The following SCN2A variants were observed in gnomAD, a reference collection of about 807,000 sequenced individuals.
SCN2A encodes sodium voltage-gated channel alpha subunit 2, also known as sodium channel protein type 2 subunit alpha.
Under a neutral mutation model 188.7 loss-of-function variants are expected in SCN2A, and 20 were observed. The ratio of observed to expected loss-of-function variants is 0.11; its 90% confidence interval spans 0.07 to 0.15. The LOEUF (loss-of-function observed/expected upper bound fraction) is 0.15. Ranked by LOEUF, SCN2A falls within the 10% of genes least tolerant of loss-of-function variation. The probability of loss-of-function intolerance (pLI) is 1.00; values close to 1 mark genes in which losing one functional copy is unlikely to be tolerated. For missense variants in SCN2A, 1,278 were observed against 2,445.0 expected (o/e 0.52, Z 10.07); for synonymous variants, 804 against 833.1 (o/e 0.97, Z 0.60).
rs1011935921 is a variant in SCN2A at position 165,390,113 on chromosome 2, G to T, written c.*289G>T. The T allele has an allele frequency of 6.0e-6, 2 of 333,394 alleles. No individual in the cohort carries two copies. Among genetic ancestry groups the T allele is most frequent in the African/African-American group, 4.2e-5 (2 of 47,336 alleles). The allele number at this position is 333,394 out of a possible 1,614,324, so 20.7% of individuals were successfully genotyped here. A position where few individuals can be genotyped will look rare whatever the true frequency, so the allele number is the denominator to read the frequency against. ...CAGACGATAGGAACCAATTTAAAGG[G>T]GGGAGGGAAGTTAAATTTTTATGTA... On this transcript the variant is annotated 3_prime_UTR_variant, in exon 27 of 27. Transcript: ENST00000375437.
intron 5 of SCN2A, 129 bp downstream of exon 5, chr2:165,308,923 CAA>C: frequency 7.8e-7 from 1 of 1,277,114 alleles, no homozygotes. Context: ...TTCTTCCAAT[CAA>C]ATTATCCAGT....
rs79771412 is a variant in SCN2A at position 165,253,793 on chromosome 2, T to C, written c.-52+14153T>C. On this transcript the variant is annotated intron_variant, in intron 1 of 26. Coordinates refer to ENST00000375437, the MANE Select transcript of SCN2A (RefSeq NM_001040142.2). ...GAGAAATGTATAGGTATAACTATAT[T>C]ACTGATATATCCTATTAATTTTATT... Among the ~76,000 whole-genome samples the C allele has an allele frequency of 9.9e-3, 1,503 of 152,144 alleles. 27 individuals are homozygous for C. Among genetic ancestry groups the C allele is most frequent in the East Asian group, 0.063 (326 of 5,174 alleles).
intron 1 of SCN2A, chr2:165,266,701 A>T (rs975849394): frequency 1.3e-5 from 2 of 152,078 alleles, no homozygotes; most frequent in African/African-American, 4.8e-5. Flanking sequence ...CTTATATCCT[A>T]CCGTAAAAGG....
chr2:165,293,184 T>C (rs1040405417), intron 1 of SCN2A, among the ~76,000 whole-genome samples: 3 of 152,250 alleles, frequency 2.0e-5, no homozygotes, highest in Non-Finnish European at 2.9e-5. Context: ...TGTAGTTCCT[T>C]GGCTACAAGC....
At chr2:165,261,841 A>G (rs1694608858) in intron 1 of SCN2A, among the ~76,000 whole-genome samples, 1 of 152,240 alleles carries the variant, frequency 6.6e-6, no homozygotes, top group South Asian at 2.1e-4. Context: ...AATAAAGAGT[A>G]TAATTTACTG....
chr2:165,293,163 T>G (rs1696311362), intron 1 of SCN2A, among the ~76,000 whole-genome samples: 1 of 152,262 alleles, frequency 6.6e-6, no homozygotes, highest in Non-Finnish European at 1.5e-5. Flanking sequence ...TATCAAATCC[T>G]ACTCTATGTT....
rs1699484333 is a variant in SCN2A at position 165,344,785 on chromosome 2, C to T, written c.2793C>T (p.Ser931=). The change falls in exon 16 of 27, where the codon TCC becomes TCT. Residue 931 remains serine, a synonymous_variant. Transcript: ENST00000375437. ...PRWHMHDFFH[S]FLIVFRVLCG... ...GGCACATGCATGACTTTTTCCACTC[C>T]TTCCTGATCGTGTTCCGCGTGCTGT... 4.3e-6 allele frequency: 7 copies of T among 1,614,156 alleles called. No homozygotes were observed. The highest frequency in any genetic ancestry group is 5.9e-6 in the Non-Finnish European group (7 of 1,180,028).
rs2106149436 is a variant in SCN2A at position 165,296,083 on chromosome 2, A to G, written c.260A>G (p.Asn87Ser). 6.2e-7 allele frequency: 1 copy of G among 1,613,192 alleles called. No homozygotes were observed. Among genetic ancestry groups the G allele is most frequent in the Non-Finnish European group, 8.5e-7 (1 of 1,179,952 alleles). ...GAGGATCTGGACCCCTACTATATCA[A>G]TAAGAAAGTGAGTTCTTAGTCAAGT... ...PLEDLDPYYI[N>S]KKTFIVLNKG... The change falls in exon 2 of 27, where the codon AAT (asparagine) becomes AGT (serine). Residue 87 changes from asparagine (N) to serine (S), a missense_variant. Asn to Ser is a conservative substitution (Grantham distance 46). Transcript: ENST00000375437.
At chr2:165,315,368 T>A (rs1001686006) in intron 10 of SCN2A, 103 bp from the exon 11 acceptor site, 9 of 1,550,246 alleles carry the variant, frequency 5.8e-6, no homozygotes, top group Non-Finnish European at 7.9e-6. Context: ...TGGAGAATTG[T>A]TTTTCAAGAT....
chr2:165,377,665 A>G lies in SCN2A; in HGVS notation c.4308+15A>G. On this transcript the variant is annotated intron_variant, in intron 23 of 26. Coordinates refer to ENST00000375437, the MANE Select transcript of SCN2A (RefSeq NM_001040142.2). ...ATTCACGAAATGTAAGTCTAGTTAGAGGGAAATTGTTTAGTTTGATTAAAT... is the reference window on the plus strand; with the variant it reads ...ATTCACGAAATGTAAGTCTAGTTAGGGGGAAATTGTTTAGTTTGATTAAAT... The G allele has an allele frequency of 6.3e-7, 1 of 1,595,496 alleles. No individual in the cohort carries two copies. Among genetic ancestry groups the G allele is most frequent in the South Asian group, 1.1e-5 (1 of 89,176 alleles).
chr2:165,366,574 C>T (rs1300829658), intron 18 of SCN2A, among the ~76,000 whole-genome samples: 2 of 151,652 alleles, frequency 1.3e-5, no homozygotes, highest in Admixed American at 6.6e-5. Flanking sequence ...CTCTACCGGG[C>T]GTAGTGGTAT....
At chr2:165,307,568 TA>T (rs1323197848) in intron 3 of SCN2A, among the ~76,000 whole-genome samples, 1 of 152,156 alleles carries the variant, frequency 6.6e-6, no homozygotes, top group Non-Finnish European at 1.5e-5. Flanking sequence ...TTTAAGTTGA[TA>T]AATTATTCAC....
Position 165,342,284 on chromosome 2 carries a change from C to T in SCN2A, c.2389-12C>T. The T allele has an allele frequency of 6.2e-7, 1 of 1,611,106 alleles. No homozygotes were observed. On this transcript the variant is annotated splice_polypyrimidine_tract_variant and intron_variant, in intron 14 of 26. Coordinates refer to ENST00000375437, the MANE Select transcript of SCN2A (RefSeq NM_001040142.2). ...GTATTTGCTCATATAATGAACTACA[C>T]TTCTCATTTAGGTCTTCACAGGGAT...
chr2:165,307,586 A>G (rs761383456), intron 3 of SCN2A, among the ~76,000 whole-genome samples: 2 of 152,116 alleles, frequency 1.3e-5, no homozygotes, highest in Non-Finnish European at 1.5e-5. Flanking sequence ...TCACTGATGA[A>G]CTACTTTCTT....
rs959444328 is a variant in SCN2A, at chr2:165,389,595, G to A, written c.5789G>A (p.Ser1930Asn). ...LLKQKVKKVS[S>N]IYKKDKGKEC... ...AAGCAAAAAGTTAAAAAGGTATCAAGTATATACAAGAAAGACAAAGGCAAA... is the reference window on the plus strand; with the variant it reads ...AAGCAAAAAGTTAAAAAGGTATCAAATATATACAAGAAAGACAAAGGCAAA... The change falls in exon 27 of 27, where the codon AGT becomes AAT. Residue 1930 changes from serine to asparagine, a missense_variant. This residue lies in a region of SCN2A where 109 missense variants were observed against 137.9 expected (regional missense o/e 0.79). Transcript: ENST00000375437. This position sits in a 1 kb window ranked among gnomAD's most constrained non-coding sequence, Gnocchi z 4.2. The A allele has an allele frequency of 1.2e-6, 2 of 1,613,902 alleles. No individual in the cohort carries two copies. The highest frequency in any genetic ancestry group is 1.7e-6 in the Non-Finnish European group (2 of 1,179,956).
chr2:165,283,783 C>G (rs1260832743), intron 1 of SCN2A, among the ~76,000 whole-genome samples: 1 of 152,136 alleles, frequency 6.6e-6, no homozygotes, highest in African/African-American at 2.4e-5. Flanking sequence ...GGAACATGGA[C>G]TATATTTAGT....
chr2:165,357,361 G>A (rs556335973), intron 17 of SCN2A, among the ~76,000 whole-genome samples: 1 of 152,104 alleles, frequency 6.6e-6, no homozygotes, highest in Admixed American at 6.6e-5. Flanking sequence ...AACATCATGA[G>A]GCTTATTACC....
chr2:165,375,760 A>G (rs898536477), intron 22 of SCN2A, among the ~76,000 whole-genome samples: 3 of 151,902 alleles, frequency 2.0e-5, no homozygotes, highest in Non-Finnish European at 2.9e-5. Flanking sequence ...CTCGTGATTG[A>G]TGATTGGTAA....
chr2:165,273,600 T>C (rs1695197722), intron 1 of SCN2A: 2 of 152,138 alleles, frequency 1.3e-5, no homozygotes, highest in Admixed American at 6.6e-5. Context: ...TCCCTCCCTC[T>C]CTCTCTTTCT....
Sources: allele counts gnomAD v4.1 joint callset (sites outside exome capture counted in the v4.1 genomes callset), GRCh38; gene constraint gnomAD v4.1.1; regional missense constraint gnomAD v4.1.1; non-coding constraint Gnocchi (gnomAD v3.1); transcripts MANE v1.5; gene names NCBI Gene and HGNC (gene_info 2026-07-23, HGNC 2026-07-21).